Variants in ARVCF observed in about 807,000 individuals in gnomAD.
ARVCF encodes ARVCF delta catenin family member.
Under a neutral mutation model 90.9 loss-of-function variants are expected in ARVCF, and 66 were observed. That is an observed-to-expected ratio of 0.73 (90% CI 0.60 to 0.89). ARVCF has a LOEUF of 0.89. ARVCF is among the 40% of genes least tolerant of loss of function. The pLI, the probability that ARVCF is intolerant of heterozygous loss-of-function variation, is 0.00. For synonymous variants in ARVCF, 653 were observed against 603.4 expected (o/e 1.08, Z -1.21); for missense variants, 1,469 against 1,382.3 (o/e 1.06, Z -1.00).
chr22:20,009,156 T>C (rs1253243893), intron 2 of ARVCF, among the ~76,000 whole-genome samples: 2 of 152,178 alleles, frequency 1.3e-5, no homozygotes, highest in Admixed American at 6.5e-5. Flanking sequence ...CTGTCACCTG[T>C]GCCACAAGCA....
chr22:20,016,289 G>A (rs2146544026), intron 1 of ARVCF, among the ~76,000 whole-genome samples: 1 of 152,242 alleles, frequency 6.6e-6, no homozygotes, highest in South Asian at 2.1e-4. Context: ...CTCGGCTGGA[G>A]TGCTCAGTGC....
intron 1 of ARVCF, among the ~76,000 whole-genome samples, chr22:20,016,230 A>G (rs1252725008): frequency 1.3e-5 from 2 of 152,176 alleles, no homozygotes. Context: ...CCTGGCAGCT[A>G]GGCGCCAAGC....
chr22:20,005,396 A>G (rs568024027), intron 2 of ARVCF, among the ~76,000 whole-genome samples: 2 of 151,876 alleles, frequency 1.3e-5, no homozygotes, highest in Non-Finnish European at 2.9e-5. Flanking sequence ...AAGTTTTGGC[A>G]GAGATACAGA....
At position 19,981,599 on chromosome 22, in the gene ARVCF, G is replaced by A. The variant is rs775972411; in HGVS notation, c.508C>T (p.Arg170Cys). ...AGTGTGGCCACTGGGCCACCACCAC[G>A]CAGCAGGAAATGCCGGTCCAGGGCA... ...DGALDRHFLL[R>C]GGGPVATLSR... The change falls in exon 5 of 20, where the codon CGT (arginine) becomes TGT (cysteine). Residue 170 changes from arginine to cysteine, a missense_variant. Transcript: ENST00000263207. The A allele has an allele frequency of 4.9e-5, 78 of 1,607,262 alleles. 1 individual carries two copies. The highest frequency in any genetic ancestry group is 1.7e-4 in the Admixed American group (10 of 59,920).
intron 2 of ARVCF, among the ~76,000 whole-genome samples, chr22:20,004,724 A>C (rs1208528161): frequency 6.6e-6 from 1 of 152,230 alleles, no homozygotes; most frequent in Non-Finnish European, 1.5e-5. Flanking sequence ...TAGAATACAG[A>C]GCCCAGAAAC....
At chr22:19,973,440 G>C in intron 13 of ARVCF, 123 bp from the exon 14 acceptor site, 1 of 1,338,048 alleles carries the variant, frequency 7.5e-7, no homozygotes, top group Non-Finnish European at 9.9e-7. Flanking sequence ...TGTGCAGGCG[G>C]TCACAGGAGC....
At chr22:20,008,926 G>C (rs1427970541) in intron 2 of ARVCF, among the ~76,000 whole-genome samples, 1 of 152,124 alleles carries the variant, frequency 6.6e-6, no homozygotes, top group Non-Finnish European at 1.5e-5. Flanking sequence ...AAGAACTGGA[G>C]GGGGGAGGGA....
intron 2 of ARVCF, among the ~76,000 whole-genome samples, chr22:20,005,534 T>C (rs1201611038): frequency 6.6e-6 from 1 of 152,106 alleles, no homozygotes; most frequent in Non-Finnish European, 1.5e-5. Flanking sequence ...TCTAAAAGAA[T>C]TGAGGCCAGG....
chr22:20,011,866 T>C (rs377451112), intron 1 of ARVCF, among the ~76,000 whole-genome samples: 18 of 152,258 alleles, frequency 1.2e-4, no homozygotes, highest in East Asian at 9.7e-4. Context: ...TGACTTTTTT[T>C]TTTTATCCCT....
intron 2 of ARVCF, among the ~76,000 whole-genome samples, chr22:20,002,103 T>G (rs770256652): frequency 2.0e-4 from 30 of 152,030 alleles, no homozygotes; most frequent in Non-Finnish European, 1.3e-4. Context: ...TCAACAGGAG[T>G]ACGTCCAACG....
chr22:19,968,958 A>G, downstream of ARVCF: 1 of 547,524 alleles, frequency 1.8e-6, no homozygotes, highest in Non-Finnish European at 3.3e-6. Context: ...GGCTAGCTAT[A>G]TTATCTTATA....
downstream of ARVCF, chr22:19,966,832 T>C (rs1390474150): frequency 1.6e-6 from 1 of 628,720 alleles, no homozygotes; most frequent in Non-Finnish European, 2.0e-6. Flanking sequence ...GCAACCTCTG[T>C]GAGGCTCCAA....
At chr22:20,015,676 G>T (rs1271681530) in intron 1 of ARVCF, among the ~76,000 whole-genome samples, 1 of 152,052 alleles carries the variant, frequency 6.6e-6, no homozygotes, top group African/African-American at 2.4e-5. Flanking sequence ...CATACCATAG[G>T]GGAGGTTTCC....
rs927810449 is a variant in ARVCF, at chr22:19,972,828, C to T, written c.2551-1G>A. The stretch of plus-strand genomic sequence containing the variant: ...GCCCCTTGGCAGTAGCAGCAGCTGA[C>T]TGAGACATAAAACACAGACACAGGG... On this transcript the variant is annotated splice_acceptor_variant, in intron 15 of 19. Transcript: ENST00000263207. LOFTEE classifies it high-confidence loss of function. The T allele has an allele frequency of 1.2e-6, 2 of 1,613,534 alleles. No homozygotes were observed. The highest frequency in any genetic ancestry group is 1.7e-6 in the Non-Finnish European group (2 of 1,179,742).
intron 1 of ARVCF, among the ~76,000 whole-genome samples, chr22:20,014,289 G>A (rs1450967463): frequency 2.6e-5 from 4 of 152,026 alleles, no homozygotes; most frequent in East Asian, 1.9e-4. Flanking sequence ...TCACCTCCCC[G>A]GTTCAAGCGA....
chr22:20,007,448 CAA>C (rs1944671744), intron 2 of ARVCF, among the ~76,000 whole-genome samples: 1 of 152,202 alleles, frequency 6.6e-6, no homozygotes, highest in Admixed American at 6.5e-5. Context: ...GCTGTAAAAA[CAA>C]AGTTAAATCC....
rs1400028264 is a variant in ARVCF, at chr22:19,979,022, G to C, written c.1455C>G (p.Gly485=). 2 of 1,613,310 alleles carry C rather than the reference G, an allele frequency of 1.2e-6. No homozygotes were observed. Among genetic ancestry groups the C allele is most frequent in the Non-Finnish European group, 1.7e-6 (2 of 1,179,960 alleles). Residue 485 remains glycine, a synonymous_variant, in exon 7 of 20, where the codon GGC becomes GGG. Transcript: ENST00000263207. ...TCACCTCGTGGGTCAGCGTCTGCAGGCCATGGTCAATGATGACCATCTTCA... is the reference window on the plus strand; with the variant it reads ...TCACCTCGTGGGTCAGCGTCTGCAGCCCATGGTCAATGATGACCATCTTCA... ...EPLKMVIIDH[G]LQTLTHEVIV...
chr22:19,998,394 C>G (rs1944329933), intron 2 of ARVCF, among the ~76,000 whole-genome samples: 2 of 152,194 alleles, frequency 1.3e-5, no homozygotes, highest in Admixed American at 1.3e-4. Flanking sequence ...AGCCTGTGGC[C>G]AAAGGGCCCC....
chr22:19,984,127 G>A (rs913519567), intron 3 of ARVCF, among the ~76,000 whole-genome samples: 2 of 152,184 alleles, frequency 1.3e-5, no homozygotes, highest in African/African-American at 4.8e-5. Flanking sequence ...CTGAGGAAAC[G>A]TTACCCAGGA....
Sources: gnomAD v4.1 joint callset for allele counts (sites outside exome capture counted in the v4.1 genomes callset) on GRCh38, gnomAD v4.1.1 for gene constraint, MANE v1.5 for transcripts, NCBI Gene and HGNC (gene_info 2026-07-23, HGNC 2026-07-21) for gene names.